The following CCDC171 variants were observed in gnomAD, a reference collection of about 807,000 sequenced individuals.
CCDC171 encodes coiled-coil domain-containing protein 171.
A neutral mutation model predicts 168.2 loss-of-function variants in CCDC171; 177 were observed. That is an observed-to-expected ratio of 1.05 (90% CI 0.93 to 1.19). CCDC171 has a LOEUF of 1.19. CCDC171 is among the 50% of genes most tolerant of loss of function. CCDC171 has a pLI of 0.00. For missense variants in CCDC171, 1,991 were observed against 1,539.0 expected, an observed-to-expected ratio of 1.29 and a Z score of -4.91; for synonymous variants, 687 against 540.8, an observed-to-expected ratio of 1.27 and a Z score of -3.75.
chr9:15,890,277 C>T (rs1372114038), intron 24 of CCDC171, among the ~76,000 whole-genome samples: 1 of 152,004 alleles, frequency 6.6e-6, no homozygotes, highest in Non-Finnish European at 1.5e-5. Flanking sequence ...AGTACCATTG[C>T]TTGCCCTTTA....
intron 25 of CCDC171, among the ~76,000 whole-genome samples, chr9:15,934,869 G>C (rs73646887): frequency 6.6e-6 from 1 of 152,032 alleles, no homozygotes; most frequent in Non-Finnish European, 1.5e-5. Flanking sequence ...TGGATGCACT[G>C]TGAAATCGTT....
rs966414733 is a variant in CCDC171, at chr9:15,777,781, C to T, written c.2853C>T (p.Asn951=). The change falls in exon 19 of 26, where the codon AAC becomes AAT. Residue 951 remains asparagine, a synonymous_variant. Coordinates refer to ENST00000380701, the MANE Select transcript of CCDC171 (RefSeq NM_173550.4). ...QRLAHGLHKV[N]TLALKYGLRG... ...TGGCCCATGGACTTCATAAAGTAAA[C>T]ACACTGGCCCTGAAATATGGTTTGC... 1.2e-6 allele frequency: 2 copies of T among 1,613,056 alleles called. No individual in the cohort carries two copies. The highest frequency in any genetic ancestry group is 2.7e-5 in the African/African-American group (2 of 74,892).
In CCDC171 at chr9:15,744,435, T is replaced by A. The variant is rs748992208; in HGVS notation, c.2212T>A (p.Leu738Ile). 6.2e-7 allele frequency: 1 copy of A among 1,614,136 alleles called. No individual in the cohort carries two copies. Reference protein sequence around the residue: ...LAACALMAGALYPLYSRSCAL... With the variant: ...LAACALMAGAIYPLYSRSCAL... Reference sequence around the variant, plus strand: ...AGCCTGTGCATTAATGGCTGGTGCCTTATATCCCCTCTATAGCCGATCATG... The same window carrying A: ...AGCCTGTGCATTAATGGCTGGTGCCATATATCCCCTCTATAGCCGATCATG... Residue 738 changes from leucine to isoleucine, a missense_variant, in exon 17 of 26, where the codon TTA becomes ATA. Coordinates refer to ENST00000380701, the MANE Select transcript of CCDC171 (RefSeq NM_173550.4).
At chr9:15,943,289 C>G (rs1011286862) in intron 25 of CCDC171, among the ~76,000 whole-genome samples, 2 of 151,860 alleles carry the variant, frequency 1.3e-5, no homozygotes, top group Admixed American at 1.3e-4. Context: ...AAGACTTTTT[C>G]TTTAGATCTG....
intron 25 of CCDC171, among the ~76,000 whole-genome samples, chr9:15,962,162 G>A (rs567033364): frequency 2.0e-5 from 3 of 152,154 alleles, no homozygotes; most frequent in African/African-American, 7.2e-5. Flanking sequence ...ACAACACAGG[G>A]GCTAATGCTT....
chr9:16,072,108 A>G, the CCDC171 span, among the ~76,000 whole-genome samples: 1 of 152,358 alleles, frequency 6.6e-6, no homozygotes, highest in South Asian at 2.1e-4. Context: ...ATATTAAAAC[A>G]GACTGATCTT....
intron 11 of CCDC171, among the ~76,000 whole-genome samples, chr9:15,718,427 C>A (rs1294265876): frequency 1.3e-5 from 2 of 152,238 alleles, no homozygotes; most frequent in Admixed American, 1.3e-4. Context: ...AGGACACAAT[C>A]CTGGCTGGCT....
chr9:15,780,452 G>A (rs980227093), intron 20 of CCDC171, among the ~76,000 whole-genome samples: 2 of 152,092 alleles, frequency 1.3e-5, no homozygotes, highest in African/African-American at 2.4e-5. Context: ...GGAAGCCAAG[G>A]TAGGAAGGTT....
chr9:15,965,238 T>C (rs766181663), intron 25 of CCDC171, among the ~76,000 whole-genome samples: 31 of 152,230 alleles, frequency 2.0e-4, no homozygotes, highest in Non-Finnish European at 2.1e-4. Context: ...CACAATAAAA[T>C]ATGCTATCAA....
intron 24 of CCDC171, among the ~76,000 whole-genome samples, chr9:15,894,161 C>T (rs1032136407): frequency 6.6e-6 from 1 of 152,132 alleles, no homozygotes; most frequent in African/African-American, 2.4e-5. Context: ...TTATCCTTAA[C>T]AAACTAACAT....
intron 24 of CCDC171, among the ~76,000 whole-genome samples, chr9:15,881,757 T>C (rs1247468124): frequency 6.6e-6 from 1 of 152,248 alleles, no homozygotes; most frequent in African/African-American, 2.4e-5. Context: ...TTTCATTTAA[T>C]GACCTGCAGT....
chr9:15,693,312 G>A (rs770909788), intron 10 of CCDC171, among the ~76,000 whole-genome samples: 1 of 152,114 alleles, frequency 6.6e-6, no homozygotes, highest in African/African-American at 2.4e-5. Flanking sequence ...AGATAACTTA[G>A]ATATGTTTTC....
chr9:16,022,440 C>G (rs1260796601), exon 5 of CCDC171: 1 of 152,336 alleles, frequency 6.6e-6, no homozygotes, highest in African/African-American at 2.4e-5. Flanking sequence ...GATGCACCAC[C>G]TGCGCTCACT....
At chr9:15,819,802 A>T (rs1451367646) in intron 21 of CCDC171, among the ~76,000 whole-genome samples, 1 of 116,842 alleles carries the variant, frequency 8.6e-6, no homozygotes, top group Admixed American at 8.1e-5. Flanking sequence ...GTTAACAAGG[A>T]TATCCAGGAA....
chr9:16,098,144 G>C, the CCDC171 span, among the ~76,000 whole-genome samples: 1 of 151,582 alleles, frequency 6.6e-6, no homozygotes, highest in Admixed American at 6.5e-5. Context: ...TCAGAGTTCG[G>C]CTATCTTTTA....
chr9:15,734,192 G>A (rs1049092383), intron 16 of CCDC171, among the ~76,000 whole-genome samples: 1 of 152,162 alleles, frequency 6.6e-6, no homozygotes, highest in African/African-American at 2.4e-5. Flanking sequence ...TGACCCATCT[G>A]TATACAAATG....
At chr9:15,959,128 A>G (rs1490247968) in intron 25 of CCDC171, among the ~76,000 whole-genome samples, 1 of 152,162 alleles carries the variant, frequency 6.6e-6, no homozygotes, top group Non-Finnish European at 1.5e-5. Context: ...AGGGACAAAC[A>G]TGCCTGGCCA....
intron 25 of CCDC171, among the ~76,000 whole-genome samples, chr9:15,920,738 G>C (rs866623466): frequency 7.2e-5 from 11 of 151,834 alleles, no homozygotes; most frequent in Middle Eastern, 3.4e-3. Context: ...ACTGTCTGAA[G>C]ATTCAGTGTG....
chr9:15,806,815 GT>G (rs2059104668), intron 21 of CCDC171, among the ~76,000 whole-genome samples: 1 of 152,070 alleles, frequency 6.6e-6, no homozygotes, highest in African/African-American at 2.4e-5. Context: ...CTTGAAATAT[GT>G]TTCCTGACTT....
Sources: allele counts gnomAD v4.1 joint callset (sites outside exome capture counted in the v4.1 genomes callset), GRCh38; gene constraint gnomAD v4.1.1; transcripts MANE v1.5; gene names NCBI Gene and HGNC (gene_info 2026-07-23, HGNC 2026-07-21).